MAP3K7CL: variants seen among roughly 807,000 people sequenced by gnomAD.
MAP3K7CL encodes the protein MAP3K7 C-terminal like, also known as MAP3K7 C-terminal-like protein.
In MAP3K7CL, 16 loss-of-function variants were observed where a neutral mutation model predicts 18.6. The observed-to-expected ratio is 0.86, with a 90% confidence interval of 0.58 to 1.31. The LOEUF (loss-of-function observed/expected upper bound fraction) is 1.31. MAP3K7CL is among the 50% of genes most tolerant of loss of function. The pLI is 0.00. For missense variants in MAP3K7CL, 163 were observed against 174.4 expected (o/e 0.93, Z 0.37); for synonymous variants, 65 against 66.8 (o/e 0.97, Z 0.13).
chr21:29,132,500 T>G (rs2086797504), intron 1 of MAP3K7CL, among the ~76,000 whole-genome samples: 2 of 152,108 alleles, frequency 1.3e-5, no homozygotes, highest in African/African-American at 4.8e-5. Context: ...AAAGTGGTTT[T>G]TGGTATTCTT....
At chr21:29,088,978 T>C (rs1319238449) in intron 1 of MAP3K7CL, among the ~76,000 whole-genome samples, 1 of 151,970 alleles carries the variant, frequency 6.6e-6, no homozygotes, top group Non-Finnish European at 1.5e-5. Context: ...AAGACCAGCC[T>C]GGCCAACATG....
At chr21:29,130,556 A>G (rs888797196), upstream of MAP3K7CL, 4 of 977,154 alleles carry the variant, frequency 4.1e-6, no homozygotes, top group Non-Finnish European at 4.9e-6. Flanking sequence ...TAATGAATTA[A>G]AACATTTGGA....
intron 2 of MAP3K7CL, among the ~76,000 whole-genome samples, chr21:29,140,616 A>T (rs932508906): frequency 6.6e-6 from 1 of 152,196 alleles, no homozygotes; most frequent in Admixed American, 6.5e-5. Context: ...AAGCTTCTTG[A>T]CAACAAATAG....
At position 29,130,842 on chromosome 21, in the gene MAP3K7CL, G is replaced by C. The variant is rs2146619594; in HGVS notation, c.-121G>C. On this transcript the variant is annotated 5_prime_UTR_variant, in exon 1 of 5. Transcript: ENST00000399928. ...CAGGTGCAGCCTGGTCTCTCACTGA[G>C]TCTCTACTCCACAAAGGCAACGACT... 1 of 985,576 alleles carries C rather than the reference G, an allele frequency of 1.0e-6. No individual in the cohort carries two copies. Among genetic ancestry groups the C allele is most frequent in the Non-Finnish European group, 1.2e-6 (1 of 830,036 alleles). 61.1% of individuals were successfully genotyped at this position (985,576 alleles called of 1,614,324 possible).
intron 2 of MAP3K7CL, among the ~76,000 whole-genome samples, chr21:29,144,647 G>A (rs1157357977): frequency 1.3e-5 from 2 of 152,186 alleles, no homozygotes; most frequent in Non-Finnish European, 2.9e-5. Context: ...TGGGGTCCTT[G>A]TCTTTAGCTC....
rs144388409 is a variant in MAP3K7CL, at chr21:29,099,290, A to G, written c.370+6709A>G. Among the ~76,000 whole-genome samples, 424 of 109,356 alleles carry G rather than the reference A, an allele frequency of 3.9e-3. 2 individuals are homozygous for G. The highest frequency in any genetic ancestry group is 6.3e-3 in the Non-Finnish European group (363 of 57,318). The allele number at this position is 109,356 out of a possible 152,430, so 71.7% of individuals were successfully genotyped here. On this transcript the variant is annotated intron_variant, in intron 4 of 6. Coordinates refer to the MAP3K7CL transcript ENST00000286791. ...TTTTTTTTTTTTTTTTTTTTTGTAGAGACGGGATCTTGCCATGTTGCCCAA... is the reference window on the plus strand; with the variant it reads ...TTTTTTTTTTTTTTTTTTTTTGTAGGGACGGGATCTTGCCATGTTGCCCAA...
intron 1 of MAP3K7CL, 28 bp from the exon 2 acceptor site, chr21:29,133,274 AAAGT>A: frequency 2.0e-6 from 3 of 1,509,718 alleles, no homozygotes; most frequent in Non-Finnish European, 2.7e-6. Flanking sequence ...GATGCTGGAT[AAAGT>A]GACAATGGCT....
chr21:29,110,863 G>C (rs1223150693), intron 4 of MAP3K7CL, among the ~76,000 whole-genome samples: 5 of 152,104 alleles, frequency 3.3e-5, no homozygotes, highest in African/African-American at 1.2e-4. Flanking sequence ...TTTCATGGAT[G>C]CAATATCTTA....
intron 3 of MAP3K7CL, among the ~76,000 whole-genome samples, chr21:29,155,393 G>A (rs527370987): frequency 1.3e-5 from 2 of 152,320 alleles, no homozygotes; most frequent in South Asian, 4.1e-4. Flanking sequence ...AGAGGATGGG[G>A]CCAGTAGTAT....
intron 1 of MAP3K7CL, among the ~76,000 whole-genome samples, chr21:29,087,112 C>T (rs1236725452): frequency 1.3e-5 from 2 of 152,150 alleles, no homozygotes; most frequent in Admixed American, 6.5e-5. Context: ...CACTCATTCT[C>T]TCTGCTGGAC....
rs1233052284 is a variant in MAP3K7CL at position 29,175,217 on chromosome 21, AC to A, written c.*328del. The A allele has an allele frequency of 5.7e-6, 1 of 175,094 alleles. No homozygotes were observed. The highest frequency in any genetic ancestry group is 2.4e-5 in the African/African-American group (1 of 42,154). 10.8% of individuals were successfully genotyped at this position (175,094 alleles called of 1,614,324 possible). On this transcript the variant is annotated 3_prime_UTR_variant, in exon 5 of 5. Coordinates refer to ENST00000399928, the MANE Select transcript of MAP3K7CL (RefSeq NM_001286620.2). Reference sequence around the variant, plus strand: ...AATGATAAAAATAGACTATTGACTGACCCAGCTAAGAATCGTGGGCTGAGCA... The same window carrying A: ...AATGATAAAAATAGACTATTGACTGACCAGCTAAGAATCGTGGGCTGAGCA...
At chr21:29,148,966 A>G (rs1357363939) in intron 2 of MAP3K7CL, among the ~76,000 whole-genome samples, 1 of 152,150 alleles carries the variant, frequency 6.6e-6, no homozygotes, top group Non-Finnish European at 1.5e-5. Context: ...ACATTTGAGG[A>G]TTCTGATATT....
chr21:29,114,516 A>T (rs1175940554), intron 4 of MAP3K7CL, among the ~76,000 whole-genome samples: 1 of 151,958 alleles, frequency 6.6e-6, no homozygotes, highest in Non-Finnish European at 1.5e-5. Flanking sequence ...TCAGCCTCTC[A>T]AGTAGCTGAG....
intron 2 of MAP3K7CL, among the ~76,000 whole-genome samples, chr21:29,143,193 T>TAGCGG (rs1555876659): frequency 8.0e-4 from 122 of 151,740 alleles, no homozygotes; most frequent in African/African-American, 2.9e-3. Context: ...CAAGACACTA[T>TAGCGG]AGCATTAAAT....
intron 3 of MAP3K7CL, among the ~76,000 whole-genome samples, chr21:29,150,765 C>T (rs1179911867): frequency 7.2e-6 from 1 of 138,168 alleles, no homozygotes; most frequent in Non-Finnish European, 1.6e-5. Context: ...TCTCCCTCTA[C>T]CTTTCCTTTT....
At chr21:29,086,222 AT>A (rs769862411) in intron 1 of MAP3K7CL, among the ~76,000 whole-genome samples, 11 of 152,234 alleles carry the variant, frequency 7.2e-5, no homozygotes, top group Non-Finnish European at 1.2e-4. Context: ...ATAAACCATG[AT>A]TTAGTAAACT....
At chr21:29,138,926 C>T (rs2086942695) in intron 2 of MAP3K7CL, among the ~76,000 whole-genome samples, 1 of 152,180 alleles carries the variant, frequency 6.6e-6, no homozygotes, top group Non-Finnish European at 1.5e-5. Context: ...GATTACACCA[C>T]TGCACTCCAG....
At chr21:29,154,798 G>A (rs759719131) in intron 3 of MAP3K7CL, among the ~76,000 whole-genome samples, 1 of 152,156 alleles carries the variant, frequency 6.6e-6, no homozygotes, top group Non-Finnish European at 1.5e-5. Context: ...ACATTGAAAA[G>A]TATTGTATAC....
intron 4 of MAP3K7CL, 137 bp downstream of exon 4, chr21:29,160,193 T>C (rs1053134572): frequency 1.9e-5 from 11 of 588,348 alleles, no homozygotes; most frequent in Middle Eastern, 2.7e-4. Context: ...AGTGGTGCTA[T>C]TGGAGATTAA....
Sources: gnomAD v4.1 joint callset for allele counts (sites outside exome capture counted in the v4.1 genomes callset) on GRCh38, gnomAD v4.1.1 for gene constraint, MANE v1.5 for transcripts, NCBI Gene and HGNC (gene_info 2026-07-23, HGNC 2026-07-21) for gene names.